Variants in KIF26B observed in about 807,000 individuals in gnomAD.
KIF26B encodes kinesin-like protein KIF26B.
In KIF26B, 63 loss-of-function variants were observed where a neutral mutation model predicts 151.2. The ratio of observed to expected loss-of-function variants is 0.42; its 90% CI spans 0.34 to 0.51. The LOEUF (loss-of-function observed/expected upper bound fraction) is 0.51. KIF26B is among the 20% of genes least tolerant of loss of function. The pLI, the probability that KIF26B is intolerant of heterozygous loss-of-function variation, is 0.07. For synonymous variants in KIF26B, 1,357 were observed against 1,262.1 expected (o/e 1.08, Z -1.59); for missense variants, 2,813 against 2,913.6 (o/e 0.97, Z 0.79).
At chr1:245,406,351 A>C (rs140093474) in intron 3 of KIF26B, among the ~76,000 whole-genome samples, 88 of 152,226 alleles carry the variant, frequency 5.8e-4, no homozygotes, top group African/African-American at 2.1e-3. Context: ...GTGACAAGTT[A>C]ATTTGGTCCA....
intron 4 of KIF26B, among the ~76,000 whole-genome samples, chr1:245,483,428 C>T (rs1255915843): frequency 6.6e-6 from 1 of 151,890 alleles, no homozygotes; most frequent in Non-Finnish European, 1.5e-5. Flanking sequence ...CTCTGAACCT[C>T]TGTGCTTCCT....
At chr1:245,666,868 C>A (rs949540070) in intron 10 of KIF26B, among the ~76,000 whole-genome samples, 1 of 152,112 alleles carries the variant, frequency 6.6e-6, no homozygotes, top group Non-Finnish European at 1.5e-5. Flanking sequence ...GGGGTGGTAA[C>A]CCAGACACAG....
chr1:245,516,667 C>T lies in KIF26B; in HGVS notation c.1167-24100C>T, dbSNP rs1443454435. 6.6e-6 allele frequency among the ~76,000 whole-genome samples: 1 copy of T among 152,132 alleles called. No individual in the cohort carries two copies. The highest frequency in any genetic ancestry group is 1.5e-5 in the Non-Finnish European group (1 of 68,034). ...GGGTGAAGTAATGAGCCCGCAAGGC[C>T]TGTCTGTGCCTATTGGCTGCTCTAA... On this transcript the variant is annotated intron_variant, in intron 4 of 14. Coordinates refer to ENST00000407071, the MANE Select transcript of KIF26B (RefSeq NM_018012.4). The surrounding 1 kb of genome is among the most constrained non-coding windows in gnomAD (Gnocchi z 4.2).
intron 2 of KIF26B, among the ~76,000 whole-genome samples, chr1:245,265,005 C>G (rs542157962): frequency 1.5e-3 from 219 of 151,030 alleles, no homozygotes; most frequent in African/African-American, 4.7e-3. Flanking sequence ...CGAGACCATC[C>G]TGGCTAACAC....
intron 12 of KIF26B, among the ~76,000 whole-genome samples, chr1:245,694,881 A>G (rs1423760792): frequency 6.6e-6 from 1 of 152,202 alleles, no homozygotes; most frequent in Non-Finnish European, 1.5e-5. Context: ...ACATGCCTGG[A>G]CCAAATGCCA....
At chr1:245,320,523 GT>G (rs1671867382) in intron 2 of KIF26B, among the ~76,000 whole-genome samples, 1 of 152,088 alleles carries the variant, frequency 6.6e-6, no homozygotes, top group African/African-American at 2.4e-5. Flanking sequence ...TCTTTGTCTT[GT>G]ACATTGTATG....
chr1:245,679,167 T>C lies in KIF26B; in HGVS notation c.2259-5066T>C, dbSNP rs530851636. Among the ~76,000 whole-genome samples the C allele has an allele frequency of 1.5e-4, 23 of 152,260 alleles. No homozygotes were observed. In the South Asian group the frequency reaches 4.6e-3, roughly 30 times the overall value. ...CTCTGTTACAACCACTCAACTCTTA[T>C]TGTAGCACAAAAGTAGCCACAGACA... On this transcript the variant is annotated intron_variant, in intron 10 of 14. Coordinates refer to ENST00000407071, the MANE Select transcript of KIF26B (RefSeq NM_018012.4).
At chr1:245,264,338 TA>T (rs1670702200) in intron 2 of KIF26B, among the ~76,000 whole-genome samples, 1 of 152,208 alleles carries the variant, frequency 6.6e-6, no homozygotes, top group African/African-American at 2.4e-5. Flanking sequence ...CACTACTGCA[TA>T]GAGTGAATGT....
At chr1:245,280,848 T>C (rs1671035709) in intron 2 of KIF26B, among the ~76,000 whole-genome samples, 1 of 101,452 alleles carries the variant, frequency 9.9e-6, no homozygotes, top group East Asian at 3.2e-4. Flanking sequence ...AGTGAGAATA[T>C]GCGGTGTTTG....
At chr1:245,190,464 C>CTA (rs1669079985) in intron 2 of KIF26B, among the ~76,000 whole-genome samples, 1 of 152,134 alleles carries the variant, frequency 6.6e-6, no homozygotes, top group East Asian at 1.9e-4. Context: ...TGCCCATTAG[C>CTA]ACATCCCACA....
chr1:245,538,506 T>A (rs1661533860), intron 4 of KIF26B, among the ~76,000 whole-genome samples: 1 of 151,934 alleles, frequency 6.6e-6, no homozygotes, highest in Non-Finnish European at 1.5e-5. Context: ...GGATCCTCGC[T>A]TTTCTCCTCA....
chr1:245,353,299 C>T (rs1672611014), intron 2 of KIF26B, among the ~76,000 whole-genome samples: 1 of 152,164 alleles, frequency 6.6e-6, no homozygotes, highest in African/African-American at 2.4e-5. Flanking sequence ...GGTGTGGGAA[C>T]ATCTAGAAGG....
At chr1:245,157,743 G>T (rs139491032) in intron 2 of KIF26B, among the ~76,000 whole-genome samples, 2 of 152,336 alleles carry the variant, frequency 1.3e-5, no homozygotes, top group East Asian at 3.9e-4. Context: ...GGTTGTCAGT[G>T]TACCGTTTTT....
At chr1:245,528,528 A>T (rs559310399) in intron 4 of KIF26B, among the ~76,000 whole-genome samples, 1 of 152,288 alleles carries the variant, frequency 6.6e-6, no homozygotes, top group East Asian at 1.9e-4. Context: ...GACAGCAGGG[A>T]GCAAAGGAAG....
chr1:245,411,076 C>A (rs1674269856), intron 3 of KIF26B, among the ~76,000 whole-genome samples: 1 of 152,128 alleles, frequency 6.6e-6, no homozygotes, highest in South Asian at 2.1e-4. Context: ...AAACAAGAAC[C>A]CAGCAATAGT....
intron 2 of KIF26B, among the ~76,000 whole-genome samples, chr1:245,250,912 A>C (rs558551331): frequency 6.6e-6 from 1 of 152,304 alleles, no homozygotes; most frequent in Non-Finnish European, 1.5e-5. Context: ...CTATAGTCCT[A>C]CTCACAGCAA....
chr1:245,606,502 T>C lies in KIF26B; in HGVS notation c.1558-1149T>C, dbSNP rs1204066760. Reference sequence around the variant, plus strand: ...TGCTTCTGTGACAAGTCTCAGGTGCTAAACAAAGAGAAGGACATTTCCCAG... The same window carrying C: ...TGCTTCTGTGACAAGTCTCAGGTGCCAAACAAAGAGAAGGACATTTCCCAG... On this transcript the variant is annotated intron_variant, in intron 6 of 14. Coordinates refer to ENST00000407071, the MANE Select transcript of KIF26B (RefSeq NM_018012.4). This position sits in a 1 kb window ranked among gnomAD's most constrained non-coding sequence, Gnocchi z 4.6. 6.6e-6 allele frequency among the ~76,000 whole-genome samples: 1 copy of C among 152,176 alleles called. No individual in the cohort carries two copies. Among genetic ancestry groups the C allele is most frequent in the African/African-American group, 2.4e-5 (1 of 41,438 alleles).
intron 4 of KIF26B, among the ~76,000 whole-genome samples, chr1:245,444,124 CATCTCCCTT>C (rs201208881): frequency 1.2e-5 from 1 of 86,732 alleles, no homozygotes; most frequent in South Asian, 4.4e-4. Flanking sequence ...CTAGAGCGGT[CATCTCCCTT>C]ACTGTTCACC....
chr1:245,611,696 A>G, intron 8 of KIF26B, 97 bp from the exon 9 acceptor site: 1 of 1,325,438 alleles, frequency 7.5e-7, no homozygotes, highest in Non-Finnish European at 1.0e-6. Context: ...ACTATACAGA[A>G]CACACAGCCA....
Sources: allele counts gnomAD v4.1 joint callset (sites outside exome capture counted in the v4.1 genomes callset), GRCh38; gene constraint gnomAD v4.1.1; non-coding constraint Gnocchi (gnomAD v3.1); transcripts MANE v1.5; gene names NCBI Gene and HGNC (gene_info 2026-07-23, HGNC 2026-07-21).